Variants in LYST observed in about 807,000 individuals in gnomAD.
LYST encodes the protein lysosomal trafficking regulator.
A neutral mutation model predicts 413.6 loss-of-function variants in LYST; 192 were observed. The ratio of observed to expected loss-of-function variants is 0.46; its 90% CI spans 0.41 to 0.52. The LOEUF (loss-of-function observed/expected upper bound fraction) is 0.52. Ranked by LOEUF, LYST falls within the 20% of genes least tolerant of loss-of-function variation. The probability of loss-of-function intolerance (pLI) is 0.00; values close to 1 mark genes in which losing one functional copy is unlikely to be tolerated. For synonymous variants in LYST, 1,525 were observed against 1,567.3 expected (o/e 0.97, Z 0.64); for missense variants, 3,815 against 4,499.9 (o/e 0.85, Z 4.35).
intron 45 of LYST, 70 bp downstream of exon 45, chr1:235,702,676 TG>T (rs1284990099): frequency 2.4e-6 from 3 of 1,263,052 alleles, no homozygotes; most frequent in South Asian, 2.4e-5. Context: ...ATTCATCACC[TG>T]GGAGAGTGCC....
chr1:235,787,711 T>C (rs911949891), intron 13 of LYST, among the ~76,000 whole-genome samples: 14 of 152,160 alleles, frequency 9.2e-5, no homozygotes, highest in Non-Finnish European at 1.6e-4. Context: ...ATTTGGTTCA[T>C]AGAAAAATTA....
At chr1:235,841,600 A>G (rs1356547085) in intron 1 of LYST, among the ~76,000 whole-genome samples, 1 of 152,206 alleles carries the variant, frequency 6.6e-6, no homozygotes, top group Non-Finnish European at 1.5e-5. Flanking sequence ...AAGGGAAGAT[A>G]CTGAAGACAG....
chr1:235,791,729 T>C lies in LYST; in HGVS notation c.4513A>G (p.Ile1505Val), dbSNP rs756527927. 326 of 1,613,088 alleles carry C rather than the reference T, an allele frequency of 2.0e-4. No individual in the cohort carries two copies. The highest frequency in any genetic ancestry group is 4.9e-4 in the Middle Eastern group (3 of 6,074). Residue 1505 changes from isoleucine (I) to valine (V), a missense_variant, in exon 12 of 53, where the codon ATT becomes GTT. Ile to Val is a conservative substitution (Grantham distance 29). Coordinates refer to ENST00000389793, the MANE Select transcript of LYST (RefSeq NM_000081.4). ...KKIKKRNKSLILPDSSFDGTE... is the reference protein window; with the variant it reads ...KKIKKRNKSLVLPDSSFDGTE... ...CCATCAAAACTGCTATCTGGTAAAA[T>C]TAATGATTTGTTTCTTTTCTTTATC...
intron 10 of LYST, among the ~76,000 whole-genome samples, chr1:235,798,223 T>A (rs1671770898): frequency 6.6e-6 from 1 of 152,168 alleles, no homozygotes. Context: ...AACTATTATG[T>A]AGTATTATCC....
At chr1:235,673,657 A>G (rs953890735) in intron 50 of LYST, among the ~76,000 whole-genome samples, 1 of 152,086 alleles carries the variant, frequency 6.6e-6, no homozygotes, top group African/African-American at 2.4e-5. Flanking sequence ...AGGTGCTTCT[A>G]TGGTCTAGGA....
At chr1:235,669,885 C>T (rs112218560) in intron 50 of LYST, among the ~76,000 whole-genome samples, 2,710 of 152,246 alleles carry the variant, frequency 0.018, 35 homozygotes, top group Middle Eastern at 0.044. Flanking sequence ...CAGTCAACAC[C>T]CTCTACCAGT....
chr1:235,784,172 G>A (rs553619512), intron 14 of LYST, among the ~76,000 whole-genome samples: 96 of 152,268 alleles, frequency 6.3e-4, no homozygotes, highest in African/African-American at 2.0e-3. Flanking sequence ...GAAGCACCAT[G>A]CCTGGCCTAG....
chr1:235,816,997 C>G (rs1674196443), intron 3 of LYST, among the ~76,000 whole-genome samples: 2 of 152,114 alleles, frequency 1.3e-5, no homozygotes, highest in African/African-American at 4.8e-5. Context: ...TATACAGAAT[C>G]TATAATGAAC....
chr1:235,877,499 C>G (rs1007859743), intron 1 of LYST, among the ~76,000 whole-genome samples: 17 of 152,126 alleles, frequency 1.1e-4, no homozygotes, highest in African/African-American at 3.6e-4. Flanking sequence ...CTCTGCCTCC[C>G]GGGTTCAAGC....
chr1:235,793,697 C>T, intron 10 of LYST, 85 bp from the exon 11 acceptor site: 1 of 729,242 alleles, frequency 1.4e-6, no homozygotes, highest in Non-Finnish European at 2.4e-6. Flanking sequence ...AGGTAAAATA[C>T]TATTGTCACT....
chr1:235,752,962 G>A, intron 26 of LYST, 82 bp downstream of exon 26: 1 of 749,774 alleles, frequency 1.3e-6, no homozygotes, highest in Non-Finnish European at 2.3e-6. Flanking sequence ...GTAAACTCAT[G>A]TAGTAAAGTA....
At chr1:235,865,757 C>G (rs1019218691) in intron 1 of LYST, among the ~76,000 whole-genome samples, 8 of 152,048 alleles carry the variant, frequency 5.3e-5, no homozygotes, top group Admixed American at 3.9e-4. Flanking sequence ...TGAATCTAGG[C>G]GTGGAATTTT....
At chr1:235,677,390 G>A (rs184386310) in intron 49 of LYST, 90 bp downstream of exon 49, 1,347 of 1,363,858 alleles carry the variant, frequency 9.9e-4, no homozygotes, top group Non-Finnish European at 1.3e-3. Flanking sequence ...TGATTATAAC[G>A]TAAAGACATT....
intron 10 of LYST, among the ~76,000 whole-genome samples, chr1:235,794,326 A>G (rs1330735747): frequency 6.6e-6 from 1 of 152,224 alleles, no homozygotes; most frequent in Non-Finnish European, 1.5e-5. Context: ...AAGTAGTGGA[A>G]ATATTAAAGA....
At chr1:235,855,465 C>T (rs959843236) in intron 1 of LYST, among the ~76,000 whole-genome samples, 5 of 152,050 alleles carry the variant, frequency 3.3e-5, no homozygotes, top group African/African-American at 1.2e-4. Context: ...CATATTAAAA[C>T]CAAAAACCTT....
rs139643003 is a variant in LYST, at chr1:235,757,401, C to G, written c.6939G>C (p.Gly2313=). 1 of 1,613,106 alleles carries G rather than the reference C, an allele frequency of 6.2e-7. No individual in the cohort carries two copies. The highest frequency in any genetic ancestry group is 8.5e-7 in the Non-Finnish European group (1 of 1,179,516). ...ICCGLYELLS[G]VLLILPDVLL... is the part of the protein sequence containing the mutation. ...AAACATCAGGCAGGATAAGAAGAACCCCACTTAGGAGTTCATATAATCCAC... is the reference window on the plus strand; with the variant it reads ...AAACATCAGGCAGGATAAGAAGAACGCCACTTAGGAGTTCATATAATCCAC... The change falls in exon 24 of 53, where the codon GGG becomes GGC. Residue 2313 remains glycine (G), a synonymous_variant. Coordinates refer to ENST00000389793, the MANE Select transcript of LYST (RefSeq NM_000081.4).
At chr1:235,846,124 C>T (rs1677831897) in intron 1 of LYST, among the ~76,000 whole-genome samples, 1 of 152,170 alleles carries the variant, frequency 6.6e-6, no homozygotes, top group South Asian at 2.1e-4. Flanking sequence ...GTCCACTGCA[C>T]CCTCCACCAC....
rs773882115 is a variant in LYST, at chr1:235,715,265, G to A, written c.9720C>T (p.Ser3240=). The part of the protein sequence containing the change: ...PYHYGSHYSN[S]GTVLHFLVRM... Reference sequence around the variant, plus strand: ...TGACCAGGAAGTGAAGCACAGTGCCGCTATTGGAATAGTGGGAGCCATAGT... The same window carrying A: ...TGACCAGGAAGTGAAGCACAGTGCCACTATTGGAATAGTGGGAGCCATAGT... Residue 3240 remains serine, a synonymous_variant, in exon 42 of 53, where the codon AGC becomes AGT. Transcript: ENST00000389793. The A allele has an allele frequency of 1.5e-5, 25 of 1,613,620 alleles. No homozygotes were observed. The highest frequency in any genetic ancestry group is 4.0e-5 in the African/African-American group (3 of 74,884).
chr1:235,698,489 G>C (rs981384057), intron 45 of LYST, among the ~76,000 whole-genome samples: 3 of 152,204 alleles, frequency 2.0e-5, no homozygotes, highest in Admixed American at 6.5e-5. Context: ...AGAGACGTTA[G>C]GGTCAGGCAT....
Sources: gnomAD v4.1 joint callset for allele counts (sites outside exome capture counted in the v4.1 genomes callset) on GRCh38, gnomAD v4.1.1 for gene constraint, MANE v1.5 for transcripts, NCBI Gene and HGNC (gene_info 2026-07-23, HGNC 2026-07-21) for gene names.